The following TCF7L2 variants were observed in gnomAD, a reference collection of about 807,000 sequenced individuals.
The protein encoded by TCF7L2 is transcription factor 7-like 2.
In TCF7L2, 23 loss-of-function variants were observed where a neutral mutation model predicts 77.9. That is an observed-to-expected ratio of 0.30 (90% confidence interval 0.21 to 0.42). The LOEUF (loss-of-function observed/expected upper bound fraction) is 0.42. Ranked by LOEUF, TCF7L2 falls within the 10% of genes least tolerant of loss-of-function variation. TCF7L2 has a pLI of 1.00. For missense variants in TCF7L2, 654 were observed against 793.1 expected (o/e 0.82, Z 2.11); for synonymous variants, 413 against 340.2 (o/e 1.21, Z -2.36).
At position 113,157,709 on chromosome 10, in the gene TCF7L2, A is replaced by G. The variant is rs939336583; in HGVS notation, c.1270-312A>G. The G allele has an allele frequency of 2.2e-5, 6 of 270,544 alleles. No individual in the cohort carries two copies. In the Admixed American group the frequency reaches 2.4e-4, roughly 11 times the overall value. 16.8% of individuals were successfully genotyped at this position (270,544 alleles called of 1,614,324 possible). Reference sequence around the variant, plus strand: ...CTGAATCTTCCTCGTGCCGTCCCCCATTCCCTTTTATGGATCAAATGCTGT... The same window carrying G: ...CTGAATCTTCCTCGTGCCGTCCCCCGTTCCCTTTTATGGATCAAATGCTGT... On this transcript the variant is annotated intron_variant, in intron 11 of 13. Transcript: ENST00000627217.
At chr10:113,089,352 C>T in intron 5 of TCF7L2, 1 of 1,580,792 alleles carries the variant, frequency 6.3e-7, no homozygotes. Flanking sequence ...GTGACGTGTC[C>T]CCCTCGCTCC....
intron 5 of TCF7L2, among the ~76,000 whole-genome samples, chr10:113,111,127 A>G (rs1214082009): frequency 6.6e-6 from 1 of 151,574 alleles, no homozygotes; most frequent in Admixed American, 6.6e-5. Flanking sequence ...TTTCCGGGGC[A>G]TAGAATAATT....
At chr10:113,144,156 C>A (rs945107527) in intron 7 of TCF7L2, 131 bp downstream of exon 7, 3 of 833,274 alleles carry the variant, frequency 3.6e-6, no homozygotes, top group Non-Finnish European at 5.3e-6. Context: ...GTGTTAGAAG[C>A]CAGGGTTGGG....
intron 4 of TCF7L2, among the ~76,000 whole-genome samples, chr10:112,992,248 T>TC (rs1341788444): frequency 2.0e-5 from 3 of 152,110 alleles, no homozygotes; most frequent in African/African-American, 7.2e-5. Flanking sequence ...GCTCTGCCCA[T>TC]CCGTCCCCTC....
chr10:113,079,799 A>C (rs2059134516), intron 5 of TCF7L2, among the ~76,000 whole-genome samples: 1 of 152,130 alleles, frequency 6.6e-6, no homozygotes, highest in East Asian at 1.9e-4. Context: ...CTGGGATTAC[A>C]GGTGTGTGCC....
intron 5 of TCF7L2, among the ~76,000 whole-genome samples, chr10:113,109,548 G>A (rs1314659306): frequency 7.9e-5 from 12 of 152,006 alleles, no homozygotes; most frequent in African/African-American, 2.9e-4. Context: ...CTGCCACCAC[G>A]CCCAGCTAAT....
At chr10:113,155,455 G>T (rs290483) in intron 11 of TCF7L2, among the ~76,000 whole-genome samples, 85,303 of 151,920 alleles carry the variant, frequency 0.56, 25,729 homozygotes, top group East Asian at 0.92. Flanking sequence ...TAAGTGTAGG[G>T]TTTATCCACT....
intron 5 of TCF7L2, among the ~76,000 whole-genome samples, chr10:113,116,702 TTAAA>T (rs1361199819): frequency 8.9e-6 from 1 of 112,364 alleles, no homozygotes. Context: ...TTAAAAAGGG[TTAAA>T]TAGTCTTTCC....
intron 5 of TCF7L2, among the ~76,000 whole-genome samples, chr10:113,058,820 G>A (rs760841650): frequency 1.3e-5 from 2 of 152,144 alleles, no homozygotes; most frequent in African/African-American, 4.8e-5. Flanking sequence ...GCAGGCCAGC[G>A]TTGCTGCTTT....
At chr10:113,107,258 T>C (rs1020671419) in intron 5 of TCF7L2, among the ~76,000 whole-genome samples, 16 of 152,148 alleles carry the variant, frequency 1.1e-4, no homozygotes, top group African/African-American at 3.6e-4. Context: ...GGGTACTGGG[T>C]GGGTGGGTGG....
chr10:113,099,703 C>T (rs2061422808), intron 5 of TCF7L2, among the ~76,000 whole-genome samples: 1 of 152,234 alleles, frequency 6.6e-6, no homozygotes. Flanking sequence ...ATGCTTCTGC[C>T]GTGCGTTTTG....
At chr10:113,024,584 A>C (rs1262424179) in intron 4 of TCF7L2, among the ~76,000 whole-genome samples, 2 of 151,512 alleles carry the variant, frequency 1.3e-5, no homozygotes, top group Non-Finnish European at 2.9e-5. Flanking sequence ...CCCAAATCTG[A>C]ACAGGAAATT....
Position 113,160,015 on chromosome 10 carries a change from G to A in TCF7L2, c.1319-604G>A, listed in dbSNP as rs141962608. The A allele has an allele frequency of 1.0e-4, 165 of 1,611,182 alleles. 2 individuals are homozygous for A. Among genetic ancestry groups the A allele is most frequent in the African/African-American group, 6.4e-4 (48 of 74,860 alleles). ...CAGGTGTGTATAGTTTTCCAGATTC[G>A]CTGTGCTGGTTTGCAGCTGGTCTAT... On this transcript the variant is annotated intron_variant, in intron 12 of 13. Transcript: ENST00000627217.
intron 5 of TCF7L2, among the ~76,000 whole-genome samples, chr10:113,050,833 A>C (rs1220898685): frequency 6.6e-6 from 1 of 152,086 alleles, no homozygotes; most frequent in East Asian, 1.9e-4. Context: ...GCCCCTTCCC[A>C]TCCCACTTCT....
At position 113,118,686 on chromosome 10, in the gene TCF7L2, T is replaced by TA. The variant is rs1403994684; in HGVS notation, c.553-22497dup. Among the ~76,000 whole-genome samples, 340 of 148,212 alleles carry TA rather than the reference T, an allele frequency of 2.3e-3. 3 individuals carry two copies. Among genetic ancestry groups the TA allele is most frequent in the African/African-American group, 8.0e-3 (319 of 39,790 alleles). ...TTTGTTTTTTTTTTTTTGTTTTTTT[T>TA]ATTTTATTTTATTCCCAAGCCTTGG... On this transcript the variant is annotated intron_variant, in intron 5 of 13. Coordinates refer to ENST00000627217, the MANE Select transcript of TCF7L2 (RefSeq NM_001146274.2).
intron 5 of TCF7L2, among the ~76,000 whole-genome samples, chr10:113,086,547 A>T (rs1180356372): frequency 6.6e-6 from 1 of 152,166 alleles, no homozygotes; most frequent in East Asian, 1.9e-4. Context: ...GGACTGTGTA[A>T]ACTTTCCCAC....
At chr10:113,103,710 T>G (rs780049672) in intron 5 of TCF7L2, among the ~76,000 whole-genome samples, 1 of 152,174 alleles carries the variant, frequency 6.6e-6, no homozygotes, top group African/African-American at 2.4e-5. Flanking sequence ...ATTAATGGTA[T>G]GTCTTTTGTG....
At chr10:113,086,773 A>AAAG (rs1555032037) in intron 5 of TCF7L2, among the ~76,000 whole-genome samples, 14 of 150,948 alleles carry the variant, frequency 9.3e-5, no homozygotes, top group Admixed American at 2.0e-4. Flanking sequence ...AAAAAAAAAA[A>AAAG]AAACTATAGT....
At chr10:113,013,042 A>G (rs1337907636) in intron 4 of TCF7L2, among the ~76,000 whole-genome samples, 3 of 151,126 alleles carry the variant, frequency 2.0e-5, no homozygotes, top group Non-Finnish European at 4.4e-5. Flanking sequence ...ATTTATTTGT[A>G]GGTCACCAAG....
Sources: gnomAD v4.1 joint callset for allele counts (sites outside exome capture counted in the v4.1 genomes callset) on GRCh38, gnomAD v4.1.1 for gene constraint, MANE v1.5 for transcripts, NCBI Gene and HGNC (gene_info 2026-07-23, HGNC 2026-07-21) for gene names.